Variants in NIBAN1 observed in about 807,000 individuals in gnomAD.
NIBAN1 encodes the protein niban apoptosis regulator 1.
Under a neutral mutation model 75.1 loss-of-function variants are expected in NIBAN1, and 81 were observed. That is an observed-to-expected ratio of 1.08 (90% CI 0.90 to 1.30). The LOEUF (loss-of-function observed/expected upper bound fraction) is 1.30, where lower values mean the gene tolerates loss of function less well. NIBAN1 is among the 50% of genes most tolerant of loss of function. NIBAN1 has a pLI of 0.00. For missense variants in NIBAN1, 1,133 were observed against 1,128.1 expected (o/e 1.00, Z -0.06); for synonymous variants, 436 against 424.8 (o/e 1.03, Z -0.32).
chr1:184,960,606 CCAACAA>C (rs1371253706), intron 1 of NIBAN1, among the ~76,000 whole-genome samples: 2 of 146,338 alleles, frequency 1.4e-5, no homozygotes, highest in Non-Finnish European at 1.5e-5. Context: ...ACAGACAACA[CCAACAA>C]CAACAACAAA....
chr1:184,902,913 C>G lies in NIBAN1; in HGVS notation c.56-3604G>C, dbSNP rs553602247. On this transcript the variant is annotated intron_variant, in intron 1 of 13. Coordinates refer to ENST00000367511, the MANE Select transcript of NIBAN1 (RefSeq NM_052966.4). ...AAATATTCTGTATATTGAAAACTAT[C>G]TAGGACAGTGCCTGACACATATTAG... 7.7e-4 allele frequency among the ~76,000 whole-genome samples: 118 copies of G among 152,304 alleles called. 1 individual carries two copies. The highest frequency in any genetic ancestry group is 4.1e-4 in the South Asian group (2 of 4,828).
Position 184,799,354 on chromosome 1 carries a change from C to T in NIBAN1, c.1555-1164G>A, listed in dbSNP as rs1011425244. On this transcript the variant is annotated intron_variant, in intron 12 of 13. Coordinates refer to ENST00000367511, the MANE Select transcript of NIBAN1 (RefSeq NM_052966.4). ...GATGATTTCCAATTTCATCCATGTC[C>T]CTACAAAGGACATGAACTCATCATT... Among the ~76,000 whole-genome samples the T allele has an allele frequency of 2.8e-4, 42 of 148,706 alleles. No individual in the cohort carries two copies. In the South Asian group the frequency reaches 5.3e-3, roughly 19 times the overall value.
intron 5 of NIBAN1, among the ~76,000 whole-genome samples, chr1:184,835,517 A>C (rs777526963): frequency 3.9e-5 from 6 of 151,962 alleles, no homozygotes; most frequent in Non-Finnish European, 8.8e-5. Flanking sequence ...CTTTTATTTC[A>C]CTGAGCAGTG....
At chr1:184,906,397 G>A (rs928622425) in intron 1 of NIBAN1, among the ~76,000 whole-genome samples, 9 of 152,110 alleles carry the variant, frequency 5.9e-5, no homozygotes, top group East Asian at 1.9e-4. Flanking sequence ...TTGGGAGGCC[G>A]AGGCGGGTGG....
At chr1:184,870,309 T>C (rs913105350) in intron 5 of NIBAN1, among the ~76,000 whole-genome samples, 47 of 152,212 alleles carry the variant, frequency 3.1e-4, no homozygotes, top group African/African-American at 1.1e-3. Flanking sequence ...ATAGAAAGCT[T>C]CCTAAAATGT....
intron 1 of NIBAN1, among the ~76,000 whole-genome samples, chr1:184,967,670 A>G (rs1455578009): frequency 6.6e-6 from 1 of 152,196 alleles, no homozygotes; most frequent in Non-Finnish European, 1.5e-5. Flanking sequence ...TTGTCATCCT[A>G]GTAGTTACTA....
At position 184,886,432 on chromosome 1, in the gene NIBAN1, C is replaced by T. The variant is rs77066703; in HGVS notation, c.434-1632G>A. On this transcript the variant is annotated intron_variant, in intron 4 of 13. Coordinates refer to ENST00000367511, the MANE Select transcript of NIBAN1 (RefSeq NM_052966.4). ...CCCACAGCACAGTCATGGAACATAG[C>T]AGATGTTCAACTTCAGTTTGTTGAG... Among the ~76,000 whole-genome samples, 224 of 152,288 alleles carry T rather than the reference C, an allele frequency of 1.5e-3. 5 individuals carry two copies. The East Asian group carries it at 0.038, about 26-fold the overall frequency.
At position 184,842,381 on chromosome 1, in the gene NIBAN1, C is replaced by T. The variant is rs112629106; in HGVS notation, c.602-10419G>A. The stretch of plus-strand genomic sequence containing the variant: ...TTTCTAAGAAGCTCCCGAGGTGATG[C>T]TGATGCTACAGGTCCAGGAACACAC... On this transcript the variant is annotated intron_variant, in intron 5 of 13. Transcript: ENST00000367511. 4.7e-3 allele frequency among the ~76,000 whole-genome samples: 712 copies of T among 152,322 alleles called. 9 individuals are homozygous for T. The highest frequency in any genetic ancestry group is 0.016 in the African/African-American group (672 of 41,556).
intron 5 of NIBAN1, among the ~76,000 whole-genome samples, chr1:184,870,595 G>A (rs937644423): frequency 5.3e-5 from 8 of 152,170 alleles, no homozygotes; most frequent in Non-Finnish European, 8.8e-5. Flanking sequence ...GGTCAAGGTG[G>A]TAAATGTGCA....
At chr1:184,817,707 G>C (rs184893801) in intron 9 of NIBAN1, among the ~76,000 whole-genome samples, 1 of 152,126 alleles carries the variant, frequency 6.6e-6, no homozygotes, top group Non-Finnish European at 1.5e-5. Flanking sequence ...TTTGCAAAAA[G>C]GGGGGAATTG....
In NIBAN1 at chr1:184,818,747, A is replaced by G. The variant is rs1654608479; in HGVS notation, c.1064T>C (p.Met355Thr). Residue 355 changes from methionine (M) to threonine (T), a missense_variant, in exon 9 of 14, where the codon ATG (methionine) becomes ACG (threonine). Physicochemically the swap from Met to Thr is moderately conservative, Grantham distance 81. Transcript: ENST00000367511. ...ACTGAATCCCGAGCTCACTGGTCCCATGAGCTCCTCCAGGATGGATGCCAG... is the reference window on the plus strand; with the variant it reads ...ACTGAATCCCGAGCTCACTGGTCCCGTGAGCTCCTCCAGGATGGATGCCAG... ...PFLASILEEL[M>T]GPVSSGFSEV... 6.2e-7 allele frequency: 1 copy of G among 1,613,464 alleles called. No individual in the cohort carries two copies. The highest frequency in any genetic ancestry group is 8.5e-7 in the Non-Finnish European group (1 of 1,179,416).
intron 3 of NIBAN1, among the ~76,000 whole-genome samples, chr1:184,892,387 A>G (rs189065597): frequency 1.3e-5 from 2 of 152,338 alleles, no homozygotes; most frequent in East Asian, 3.9e-4. Context: ...AGCCCATAGT[A>G]TGAACCATAT....
intron 5 of NIBAN1, among the ~76,000 whole-genome samples, chr1:184,845,280 T>A (rs946705022): frequency 6.6e-6 from 1 of 152,240 alleles, no homozygotes; most frequent in African/African-American, 2.4e-5. Flanking sequence ...ACAATTATTT[T>A]CAGTAAAGTT....
intron 5 of NIBAN1, among the ~76,000 whole-genome samples, chr1:184,875,735 G>A (rs1410027771): frequency 2.0e-5 from 3 of 152,176 alleles, no homozygotes; most frequent in African/African-American, 7.2e-5. Flanking sequence ...AATGAGCTAA[G>A]CATCTACCTG....
chr1:184,831,413 T>G (rs954721261), intron 6 of NIBAN1, among the ~76,000 whole-genome samples: 4 of 152,206 alleles, frequency 2.6e-5, no homozygotes, highest in African/African-American at 9.7e-5. Flanking sequence ...TTATTCTTAT[T>G]TTTTCCAGAG....
chr1:184,945,762 G>A (rs764989846), intron 1 of NIBAN1, among the ~76,000 whole-genome samples: 1 of 152,110 alleles, frequency 6.6e-6, no homozygotes, highest in African/African-American at 2.4e-5. Context: ...ATAGAGAGTC[G>A]CTGAAAATAT....
At chr1:184,837,197 C>T (rs759545533) in intron 5 of NIBAN1, among the ~76,000 whole-genome samples, 7 of 152,204 alleles carry the variant, frequency 4.6e-5, no homozygotes, top group Non-Finnish European at 7.3e-5. Context: ...TACTCTCCTG[C>T]CAATAAGCAA....
At chr1:184,921,478 TCA>T (rs1355093425) in intron 1 of NIBAN1, among the ~76,000 whole-genome samples, 1 of 152,202 alleles carries the variant, frequency 6.6e-6, no homozygotes, top group Non-Finnish European at 1.5e-5. Flanking sequence ...TAAGTGATTA[TCA>T]CTGGGTAGTA....
At chr1:184,923,868 G>T (rs1198217015) in intron 1 of NIBAN1, among the ~76,000 whole-genome samples, 1 of 150,952 alleles carries the variant, frequency 6.6e-6, no homozygotes, top group African/African-American at 2.4e-5. Flanking sequence ...TTTTCAGATT[G>T]TTCACTGCTG....
Sources: gnomAD v4.1 joint callset for allele counts (sites outside exome capture counted in the v4.1 genomes callset) on GRCh38, gnomAD v4.1.1 for gene constraint, MANE v1.5 for transcripts, NCBI Gene and HGNC (gene_info 2026-07-23, HGNC 2026-07-21) for gene names.